Variants in RAB11FIP4 observed in about 807,000 individuals in gnomAD.
The protein encoded by RAB11FIP4 is rab11 family-interacting protein 4.
RAB11FIP4 carries 23 observed loss-of-function variants against 74.3 expected under a neutral mutation model. The observed-to-expected ratio is 0.31, with a 90% CI of 0.22 to 0.44. The LOEUF is 0.44. Ranked by LOEUF, RAB11FIP4 falls within the 20% of genes least tolerant of loss-of-function variation. The pLI, the probability that RAB11FIP4 is intolerant of heterozygous loss-of-function variation, is 1.00. For synonymous variants in RAB11FIP4, 360 were observed against 359.9 expected, an observed-to-expected ratio of 1.00 and a Z score of 0.00; for missense variants, 630 against 863.9, an observed-to-expected ratio of 0.73 and a Z score of 3.39.
chr17:31,391,927 C>T lies in RAB11FIP4; in HGVS notation c.75C>T (p.Phe25=). The change falls in exon 1 of 15, where the codon TTC becomes TTT. Residue 25 remains phenylalanine (F), a synonymous_variant. Transcript: ENST00000621161. ...CCGTGCGCCGCCTGCGCGAGGTGTT[C>T]GAGGTGTGCGGCCGCGACCCCGACG... ...LRSVRRLREV[F]EVCGRDPDGF... is the part of the protein sequence containing the mutation. 1 of 1,377,766 alleles carries T rather than the reference C, an allele frequency of 7.3e-7. No homozygotes were observed. Among genetic ancestry groups the T allele is most frequent in the Non-Finnish European group, 9.4e-7 (1 of 1,061,692 alleles). The allele number at this position is 1,377,766 out of a possible 1,614,324, so 85.3% of individuals were successfully genotyped here. A position where few individuals can be genotyped will look rare whatever the true frequency, so the allele number is the denominator to read the frequency against.
At chr17:31,430,135 G>A (rs1386171182) in intron 1 of RAB11FIP4, among the ~76,000 whole-genome samples, 1 of 152,138 alleles carries the variant, frequency 6.6e-6, no homozygotes, top group Non-Finnish European at 1.5e-5. Flanking sequence ...AGACCTGAAG[G>A]ATGAACTGAC....
chr17:31,514,388 T>C (rs908585815), intron 3 of RAB11FIP4, among the ~76,000 whole-genome samples: 13 of 152,220 alleles, frequency 8.5e-5, no homozygotes, highest in Non-Finnish European at 1.6e-4. Context: ...CACTGGGCCC[T>C]CTGCCTGCCT....
At chr17:31,502,773 A>G (rs1332805172) in intron 3 of RAB11FIP4, among the ~76,000 whole-genome samples, 1 of 152,124 alleles carries the variant, frequency 6.6e-6, no homozygotes, top group African/African-American at 2.4e-5. Flanking sequence ...AGGACCACAG[A>G]CTGCGTGGCG....
intron 1 of RAB11FIP4, among the ~76,000 whole-genome samples, chr17:31,420,278 T>C (rs1440302505): frequency 6.6e-6 from 1 of 152,200 alleles, no homozygotes; most frequent in Non-Finnish European, 1.5e-5. Context: ...TCACCCAGGC[T>C]AGAGTGCAGT....
chr17:31,436,790 GTT>G (rs1320546503), intron 3 of RAB11FIP4, among the ~76,000 whole-genome samples: 12 of 134,638 alleles, frequency 8.9e-5, no homozygotes, highest in Admixed American at 3.7e-4. Flanking sequence ...TGTTTTTTTT[GTT>G]TTTTTTGTTT....
In RAB11FIP4 at chr17:31,537,547, G is replaced by A. The variant is rs992627111; in HGVS notation, c.*5815G>A. The A allele has an allele frequency of 4.7e-6, 1 of 212,750 alleles. No individual in the cohort carries two copies. The highest frequency in any genetic ancestry group is 5.9e-5 in the Admixed American group (1 of 17,036). The allele number at this position is 212,750 out of a possible 1,614,324, so 13.2% of individuals were successfully genotyped here. On this transcript the variant is annotated 3_prime_UTR_variant, in exon 15 of 15. Coordinates refer to ENST00000621161, the MANE Select transcript of RAB11FIP4 (RefSeq NM_032932.6). ...CATCACTCTTTAACCTGGGGCATTG[G>A]CCCCAGCAGGGATATCATGGGACCG...
intron 3 of RAB11FIP4, among the ~76,000 whole-genome samples, chr17:31,473,536 G>A (rs953094253): frequency 6.6e-6 from 1 of 152,174 alleles, no homozygotes; most frequent in Non-Finnish European, 1.5e-5. Flanking sequence ...GTGAGACTCT[G>A]TCTCAAAAAA....
At chr17:31,400,279 T>G (rs2070972474) in intron 1 of RAB11FIP4, among the ~76,000 whole-genome samples, 1 of 152,192 alleles carries the variant, frequency 6.6e-6, no homozygotes, top group South Asian at 2.1e-4. Context: ...AGATGGCTAT[T>G]GAGGTGGAGC....
chr17:31,469,452 T>G (rs1333120801), intron 3 of RAB11FIP4, among the ~76,000 whole-genome samples: 2 of 151,820 alleles, frequency 1.3e-5, no homozygotes, highest in Non-Finnish European at 2.9e-5. Flanking sequence ...AGATCTTGTC[T>G]CCACAAAAAT....
chr17:31,410,498 G>C (rs1356201290), intron 1 of RAB11FIP4, among the ~76,000 whole-genome samples: 1 of 152,152 alleles, frequency 6.6e-6, no homozygotes, highest in African/African-American at 2.4e-5. Flanking sequence ...CGGATCACTT[G>C]AGGCTAGGAG....
chr17:31,457,725 C>T (rs1000274433), intron 3 of RAB11FIP4, among the ~76,000 whole-genome samples: 1 of 151,868 alleles, frequency 6.6e-6, no homozygotes, highest in Non-Finnish European at 1.5e-5. Flanking sequence ...CCACACCCCT[C>T]CTGCTGCCCT....
rs1381869741 is a variant in RAB11FIP4 at position 31,391,946 on chromosome 17, C to T, written c.94C>T (p.Pro32Ser). ...REVFEVCGRD[P>S]DGFLRVERVA... ...GGTGTTCGAGGTGTGCGGCCGCGAC[C>T]CCGACGGCTTCCTGCGCGTGGAGCG... is the stretch of plus-strand genomic sequence containing the variant. Residue 32 changes from proline (P) to serine (S), a missense_variant, in exon 1 of 15, where the codon CCC becomes TCC. Pro to Ser is a moderately conservative substitution (Grantham distance 74). Coordinates refer to ENST00000621161, the MANE Select transcript of RAB11FIP4 (RefSeq NM_032932.6). 2 of 1,384,676 alleles carry T rather than the reference C, an allele frequency of 1.4e-6. No homozygotes were observed. The highest frequency in any genetic ancestry group is 1.9e-6 in the Non-Finnish European group (2 of 1,065,642). The allele number at this position is 1,384,676 out of a possible 1,614,324, so 85.8% of individuals were successfully genotyped here.
intron 3 of RAB11FIP4, among the ~76,000 whole-genome samples, chr17:31,498,848 C>G (rs2072165218): frequency 6.6e-6 from 1 of 152,222 alleles, no homozygotes; most frequent in South Asian, 2.1e-4. Flanking sequence ...CCCAAACCTT[C>G]ACTTTGAGTG....
intron 4 of RAB11FIP4, chr17:31,518,648 T>A (rs1486266189): frequency 6.6e-6 from 1 of 151,208 alleles, no homozygotes; most frequent in Non-Finnish European, 1.5e-5. Context: ...AGGTCAAAAC[T>A]CGAGTGTTGA....
In RAB11FIP4 at chr17:31,520,600, C is replaced by T. The variant is rs185755338; in HGVS notation, c.564-566C>T. Among the ~76,000 whole-genome samples the T allele has an allele frequency of 1.1e-3, 170 of 152,196 alleles. 1 individual carries two copies. Among genetic ancestry groups the T allele is most frequent in the Non-Finnish European group, 1.6e-3 (106 of 68,006 alleles). ...TCGGCTCACTGCAAGCTCCACCTCC[C>T]GGGTTCACGCCATTCTCCTCCCTCA... On this transcript the variant is annotated intron_variant, in intron 4 of 14. Transcript: ENST00000621161.
intron 3 of RAB11FIP4, among the ~76,000 whole-genome samples, chr17:31,498,397 G>A (rs914158893): frequency 6.6e-6 from 1 of 152,198 alleles, no homozygotes; most frequent in African/African-American, 2.4e-5. Flanking sequence ...GAGCTTGCTG[G>A]GAAGACCATG....
At chr17:31,433,747 C>T (rs1035275722) in intron 2 of RAB11FIP4, among the ~76,000 whole-genome samples, 3 of 152,184 alleles carry the variant, frequency 2.0e-5, no homozygotes, top group African/African-American at 7.2e-5. Context: ...CCTTAGGTCC[C>T]CTCCCCCAGG....
chr17:31,437,586 G>A (rs1451832069), intron 3 of RAB11FIP4, among the ~76,000 whole-genome samples: 1 of 152,214 alleles, frequency 6.6e-6, no homozygotes, highest in East Asian at 1.9e-4. Flanking sequence ...GGGATGGCAG[G>A]CGCTCCATCC....
chr17:31,397,987 G>GC (rs1461905339), intron 1 of RAB11FIP4, among the ~76,000 whole-genome samples: 1 of 151,544 alleles, frequency 6.6e-6, no homozygotes, highest in Non-Finnish European at 1.5e-5. Context: ...CCGTCCTCCT[G>GC]CCCCAGCCTC....
Sources: gnomAD v4.1 joint callset for allele counts (sites outside exome capture counted in the v4.1 genomes callset) on GRCh38, gnomAD v4.1.1 for gene constraint, MANE v1.5 for transcripts, NCBI Gene and HGNC (gene_info 2026-07-23, HGNC 2026-07-21) for gene names.